Variants in SLC9A9 observed in about 807,000 individuals in gnomAD.
The protein encoded by SLC9A9 is solute carrier family 9 member A9, also known as sodium/hydrogen exchanger 9.
In SLC9A9, 62 loss-of-function variants were observed where a neutral mutation model predicts 77.8. The ratio of observed to expected loss-of-function variants is 0.80; its 90% CI spans 0.65 to 0.98. The LOEUF is 0.98. Among genes scored for constraint, SLC9A9 ranks in the 50% least tolerant of loss-of-function variants. The pLI, the probability that SLC9A9 is intolerant of heterozygous loss-of-function variation, is 0.00. For synonymous variants in SLC9A9, 320 were observed against 283.5 expected (o/e 1.13, Z -1.29); for missense variants, 775 against 774.9 (o/e 1.00, Z 0.00).
intron 14 of SLC9A9, among the ~76,000 whole-genome samples, chr3:143,276,996 G>C (rs543198949): frequency 1.3e-5 from 2 of 152,282 alleles, no homozygotes; most frequent in South Asian, 4.1e-4. Flanking sequence ...TTGGGAGTTG[G>C]TTTTAGCAAT....
intron 9 of SLC9A9, chr3:143,503,518 G>T (rs151250254): frequency 1.2e-4 from 46 of 383,002 alleles, no homozygotes; most frequent in Middle Eastern, 9.0e-4. Flanking sequence ...ATCATATTTG[G>T]CACAAGTCTC....
chr3:143,781,208 TAA>T (rs1275506782), intron 4 of SLC9A9, among the ~76,000 whole-genome samples: 2 of 152,242 alleles, frequency 1.3e-5, no homozygotes, highest in African/African-American at 2.4e-5. Flanking sequence ...TTAAGAATGC[TAA>T]GTTTCTAATG....
intron 14 of SLC9A9, chr3:143,342,295 T>A (rs914270761): frequency 6.6e-6 from 1 of 152,354 alleles, no homozygotes; most frequent in Admixed American, 6.5e-5. Flanking sequence ...GTGATTCTCC[T>A]ACCTCAGCCT....
At position 143,759,615 on chromosome 3, in the gene SLC9A9, T is replaced by C. The variant is rs377242148; in HGVS notation, c.533+35386A>G. On this transcript the variant is annotated intron_variant, in intron 4 of 15. Coordinates refer to ENST00000316549, the MANE Select transcript of SLC9A9 (RefSeq NM_173653.4). ...GTCCAGCTCTTTTCCTGTCACCGGA[T>C]GCAATGAGACCTCCTCTATCCTCAT... Among the ~76,000 whole-genome samples, 12 of 152,100 alleles carry C rather than the reference T, an allele frequency of 7.9e-5. No homozygotes were observed. In the East Asian group the frequency reaches 1.9e-3, roughly 25 times the overall value.
intron 12 of SLC9A9, among the ~76,000 whole-genome samples, chr3:143,460,049 C>T (rs1473566139): frequency 4.6e-5 from 7 of 152,232 alleles, no homozygotes; most frequent in African/African-American, 1.7e-4. Flanking sequence ...TCTTCTGACC[C>T]ACAAATGTCC....
intron 6 of SLC9A9, among the ~76,000 whole-genome samples, chr3:143,601,635 T>C (rs777264638): frequency 6.6e-6 from 1 of 152,232 alleles, no homozygotes; most frequent in Non-Finnish European, 1.5e-5. Flanking sequence ...TCCAAATTCA[T>C]GTATTTAACC....
At chr3:143,632,052 T>A (rs1253355678) in intron 6 of SLC9A9, among the ~76,000 whole-genome samples, 1 of 152,132 alleles carries the variant, frequency 6.6e-6, no homozygotes, top group Non-Finnish European at 1.5e-5. Flanking sequence ...CATGTGATCA[T>A]ATTGGATATG....
intron 4 of SLC9A9, among the ~76,000 whole-genome samples, chr3:143,738,301 T>C (rs964268884): frequency 6.6e-6 from 1 of 152,156 alleles, no homozygotes; most frequent in African/African-American, 2.4e-5. Flanking sequence ...CAAGATTTCC[T>C]ACAGTCCTTT....
chr3:143,492,219 G>C lies in SLC9A9; in HGVS notation c.1315+1434C>G, dbSNP rs554265474. Among the ~76,000 whole-genome samples the C allele has an allele frequency of 4.6e-5, 7 of 151,202 alleles. No individual in the cohort carries two copies. The South Asian group carries it at 6.3e-4, about 14-fold the overall frequency. Reference sequence around the variant, plus strand: ...AGGCAGAAGAATGACATGAACCTGGGGGGCAGAGCTTGCAGTGAGCCGAGA... The same window carrying C: ...AGGCAGAAGAATGACATGAACCTGGCGGGCAGAGCTTGCAGTGAGCCGAGA... On this transcript the variant is annotated intron_variant, in intron 11 of 15. Transcript: ENST00000316549.
At chr3:143,386,679 C>T (rs2033434280) in intron 12 of SLC9A9, among the ~76,000 whole-genome samples, 1 of 152,146 alleles carries the variant, frequency 6.6e-6, no homozygotes, top group Admixed American at 6.5e-5. Flanking sequence ...GATAAGCCCT[C>T]CTAGTCCTTG....
At chr3:143,726,175 C>T (rs947091287) in intron 4 of SLC9A9, among the ~76,000 whole-genome samples, 22 of 147,672 alleles carry the variant, frequency 1.5e-4, no homozygotes, top group Non-Finnish European at 1.5e-5. Flanking sequence ...CCATGACACA[C>T]GTTTACCTAT....
chr3:143,514,576 T>A (rs912508252), intron 9 of SLC9A9, among the ~76,000 whole-genome samples: 3 of 152,228 alleles, frequency 2.0e-5, no homozygotes, highest in African/African-American at 2.4e-5. Flanking sequence ...ATTAGCTAGA[T>A]CCTCTGGATA....
chr3:143,832,983 C>T (rs1369586765), intron 1 of SLC9A9, among the ~76,000 whole-genome samples: 1 of 152,028 alleles, frequency 6.6e-6, no homozygotes, highest in Non-Finnish European at 1.5e-5. Flanking sequence ...CTAATGACAC[C>T]ACATTCCTTT....
intron 9 of SLC9A9, among the ~76,000 whole-genome samples, chr3:143,501,979 T>A (rs1415433668): frequency 2.0e-5 from 3 of 150,848 alleles, no homozygotes; most frequent in Non-Finnish European, 4.4e-5. Context: ...AACTTATTGG[T>A]CAATTTTGGA....
rs77723784 is a variant in SLC9A9 at position 143,737,932 on chromosome 3, A to G, written c.534-44625T>C. 2.2e-3 allele frequency among the ~76,000 whole-genome samples: 328 copies of G among 152,336 alleles called. 1 individual carries two copies. The highest frequency in any genetic ancestry group is 7.4e-3 in the African/African-American group (309 of 41,582). ...TTCACATGCTCTGTTAATATTTTAC[A>G]TGCATTCTCTCATTTAATCCCTATA... On this transcript the variant is annotated intron_variant, in intron 4 of 15. Coordinates refer to ENST00000316549, the MANE Select transcript of SLC9A9 (RefSeq NM_173653.4).
At chr3:143,716,623 A>G (rs1014376746) in intron 4 of SLC9A9, among the ~76,000 whole-genome samples, 7 of 152,304 alleles carry the variant, frequency 4.6e-5, no homozygotes, top group African/African-American at 1.7e-4. Context: ...CACACTATGG[A>G]AGCAGTAGGT....
At chr3:143,496,968 C>A (rs1222898600) in intron 9 of SLC9A9, among the ~76,000 whole-genome samples, 1 of 152,050 alleles carries the variant, frequency 6.6e-6, no homozygotes, top group Non-Finnish European at 1.5e-5. Context: ...GTCCTCACAC[C>A]GAGGAGAGAG....
At chr3:143,282,206 C>A (rs534129312) in intron 14 of SLC9A9, among the ~76,000 whole-genome samples, 48 of 152,228 alleles carry the variant, frequency 3.2e-4, no homozygotes, top group Non-Finnish European at 5.9e-4. Flanking sequence ...AGTTGCTTCT[C>A]TTACCTTTAT....
At chr3:143,546,580 C>A (rs77914225) in intron 9 of SLC9A9, among the ~76,000 whole-genome samples, 1 of 152,206 alleles carries the variant, frequency 6.6e-6, no homozygotes, top group South Asian at 2.1e-4. Flanking sequence ...GTTTTTCCTT[C>A]CACCCATTCA....
Sources: gnomAD v4.1 joint callset for allele counts (sites outside exome capture counted in the v4.1 genomes callset) on GRCh38, gnomAD v4.1.1 for gene constraint, MANE v1.5 for transcripts, NCBI Gene and HGNC (gene_info 2026-07-23, HGNC 2026-07-21) for gene names.